Variants in CDK15 observed in about 807,000 individuals in gnomAD.
CDK15 encodes the protein cyclin dependent kinase 15.
Under a neutral mutation model 60.3 loss-of-function variants are expected in CDK15, and 62 were observed. The ratio of observed to expected loss-of-function variants is 1.03; its 90% CI spans 0.84 to 1.27. The LOEUF is 1.27. CDK15 is among the 50% of genes most tolerant of loss of function. The pLI is 0.00. For synonymous variants in CDK15, 194 were observed against 195.7 expected, an observed-to-expected ratio of 0.99 and a Z score of 0.07; for missense variants, 541 against 527.8, an observed-to-expected ratio of 1.03 and a Z score of -0.25.
chr2:201,868,773 A>C (rs1453783766), intron 10 of CDK15, among the ~76,000 whole-genome samples: 1 of 152,226 alleles, frequency 6.6e-6, no homozygotes, highest in Non-Finnish European at 1.5e-5. Context: ...CAGACACATG[A>C]AAAAATGTTC....
At chr2:201,828,975 A>G (rs966994099) in intron 6 of CDK15, among the ~76,000 whole-genome samples, 3 of 152,234 alleles carry the variant, frequency 2.0e-5, no homozygotes, top group Non-Finnish European at 4.4e-5. Flanking sequence ...CTCTACAAAA[A>G]GACATCACTT....
chr2:201,864,875 A>G (rs1356379868), intron 10 of CDK15, among the ~76,000 whole-genome samples: 1 of 152,254 alleles, frequency 6.6e-6, no homozygotes, highest in African/African-American at 2.4e-5. Flanking sequence ...CAGCCTAGAA[A>G]TACAGAAGTC....
At chr2:201,858,413 T>C (rs1698240319) in intron 10 of CDK15, among the ~76,000 whole-genome samples, 1 of 139,610 alleles carries the variant, frequency 7.2e-6, no homozygotes, top group East Asian at 2.5e-4. Flanking sequence ...CCCTCCCTTC[T>C]TTCCTTCCTT....
intron 11 of CDK15, chr2:201,876,665 C>A: frequency 1.1e-6 from 1 of 891,030 alleles, no homozygotes; most frequent in Non-Finnish European, 1.6e-6. Flanking sequence ...CCTGAAACAA[C>A]CCTGTGGGGA....
At chr2:201,864,976 C>A (rs557190771) in intron 10 of CDK15, among the ~76,000 whole-genome samples, 303 of 152,156 alleles carry the variant, frequency 2.0e-3, no homozygotes, top group African/African-American at 6.9e-3. Context: ...AATGAGGGAA[C>A]CCTGTGGGGC....
intron 12 of CDK15, among the ~76,000 whole-genome samples, chr2:201,888,053 C>A (rs1051770572): frequency 1.4e-5 from 1 of 73,744 alleles, no homozygotes; most frequent in Non-Finnish European, 2.7e-5. Context: ...TTTTTTTTTG[C>A]TTGTGCTTTC....
intron 11 of CDK15, among the ~76,000 whole-genome samples, chr2:201,879,410 T>C (rs1305361947): frequency 6.6e-6 from 1 of 152,186 alleles, no homozygotes; most frequent in Admixed American, 6.5e-5. Flanking sequence ...GACAGAGTCT[T>C]GTTCTGTTGC....
Position 201,837,860 on chromosome 2 carries a change from A to T in CDK15, c.851+2097A>T, listed in dbSNP as rs114794336. Among the ~76,000 whole-genome samples, 720 of 152,328 alleles carry T rather than the reference A, an allele frequency of 4.7e-3. 3 individuals carry two copies. The highest frequency in any genetic ancestry group is 0.017 in the African/African-American group (701 of 41,572). ...AATGGTGTCCTAAAAGGCTAAACTA[A>T]GCTTTTAGATCTCCCAAAGAATTAA... On this transcript the variant is annotated intron_variant, in intron 8 of 13. Transcript: ENST00000652192.
intron 12 of CDK15, among the ~76,000 whole-genome samples, chr2:201,887,210 G>T (rs1394071245): frequency 1.3e-5 from 2 of 152,168 alleles, no homozygotes; most frequent in Admixed American, 6.5e-5. Context: ...AGAATTGTGT[G>T]ATATTATGAA....
At chr2:201,875,439 G>A (rs1280485052) in intron 11 of CDK15, among the ~76,000 whole-genome samples, 2 of 152,036 alleles carry the variant, frequency 1.3e-5, no homozygotes, top group East Asian at 1.9e-4. Context: ...TCCTTCAACC[G>A]AACATCAATT....
At position 201,810,547 on chromosome 2, in the gene CDK15, G is replaced by A. The variant is rs561700174; in HGVS notation, c.369-1936G>A. The stretch of plus-strand genomic sequence containing the variant: ...GTATAAAATAAATATCTATGAGTCC[G>A]TACTGATATAAATAAATGATTCAAT... On this transcript the variant is annotated intron_variant, in intron 3 of 13. Coordinates refer to ENST00000652192, the MANE Select transcript of CDK15 (RefSeq NM_001366386.2). Among the ~76,000 whole-genome samples, 58 of 152,174 alleles carry A rather than the reference G, an allele frequency of 3.8e-4. 1 individual carries two copies. In the South Asian group the frequency reaches 3.9e-3, roughly 10 times the overall value.
chr2:201,858,930 C>A (rs1698263167), intron 10 of CDK15, among the ~76,000 whole-genome samples: 1 of 152,182 alleles, frequency 6.6e-6, no homozygotes, highest in African/African-American at 2.4e-5. Flanking sequence ...GCCGCCAGAA[C>A]ACTCACCCTC....
chr2:201,830,982 T>C (rs1696726991), intron 6 of CDK15, among the ~76,000 whole-genome samples: 1 of 152,182 alleles, frequency 6.6e-6, no homozygotes, highest in East Asian at 1.9e-4. Flanking sequence ...GGTTAGCTTT[T>C]AGGTAGTTTT....
At chr2:201,823,580 G>A (rs982226145) in intron 5 of CDK15, 85 bp from the exon 6 acceptor site, 2 of 1,204,686 alleles carry the variant, frequency 1.7e-6, no homozygotes, top group Non-Finnish European at 2.5e-6. Context: ...AATACCTTCT[G>A]ACAGTCAAGT....
At chr2:201,826,288 G>A (rs542545326) in intron 6 of CDK15, among the ~76,000 whole-genome samples, 4 of 152,062 alleles carry the variant, frequency 2.6e-5, no homozygotes, top group African/African-American at 4.8e-5. Flanking sequence ...GTGAAACCCC[G>A]TCTCTACTAA....
At chr2:201,859,396 C>G (rs1050658519) in intron 10 of CDK15, among the ~76,000 whole-genome samples, 1 of 152,166 alleles carries the variant, frequency 6.6e-6, no homozygotes, top group African/African-American at 2.4e-5. Flanking sequence ...CTACCACTCC[C>G]ACGAAAATGC....
At chr2:201,835,958 G>A (rs35006572) in intron 8 of CDK15, among the ~76,000 whole-genome samples, 195 bp downstream of exon 8, 4 of 107,100 alleles carry the variant, frequency 3.7e-5, no homozygotes, top group East Asian at 2.7e-4. Flanking sequence ...ATATATATTT[G>A]TATATATTTA....
intron 11 of CDK15, among the ~76,000 whole-genome samples, chr2:201,878,403 A>G (rs1025816180): frequency 6.6e-6 from 1 of 151,982 alleles, no homozygotes; most frequent in Non-Finnish European, 1.5e-5. Context: ...CTGTGTAGGT[A>G]CCACAGATCC....
At chr2:201,885,893 C>A (rs1414767832) in intron 12 of CDK15, among the ~76,000 whole-genome samples, 1 of 152,154 alleles carries the variant, frequency 6.6e-6, no homozygotes, top group East Asian at 1.9e-4. Context: ...TTGTTATCCT[C>A]ATATTACAGA....
Sources: allele counts gnomAD v4.1 joint callset (sites outside exome capture counted in the v4.1 genomes callset), GRCh38; gene constraint gnomAD v4.1.1; transcripts MANE v1.5; gene names NCBI Gene and HGNC (gene_info 2026-07-23, HGNC 2026-07-21).